The following PDK1 variants were observed in gnomAD, a reference collection of about 807,000 sequenced individuals.
PDK1 encodes pyruvate dehydrogenase kinase 1.
PDK1 carries 39 observed loss-of-function variants against 54.2 expected under a neutral mutation model. That is an observed-to-expected ratio of 0.72 (90% confidence interval 0.56 to 0.94). The LOEUF (loss-of-function observed/expected upper bound fraction) is 0.94, where lower values mean the gene tolerates loss of function less well. PDK1 is among the 40% of genes least tolerant of loss of function. The pLI is 0.00. For synonymous variants in PDK1, 221 were observed against 207.1 expected, an observed-to-expected ratio of 1.07 and a Z score of -0.58; for missense variants, 552 against 566.0, an observed-to-expected ratio of 0.98 and a Z score of 0.25.
intron 3 of PDK1, among the ~76,000 whole-genome samples, chr2:172,563,816 A>G (rs993380792): frequency 2.0e-5 from 3 of 146,478 alleles, no homozygotes; most frequent in African/African-American, 8.3e-5. Context: ...CCTGGGCAAC[A>G]AGAGCAAAAT....
In PDK1 at chr2:172,599,894, T is replaced by A. The variant is rs1574548156; in HGVS notation, c.*3925T>A. On this transcript the variant is annotated 3_prime_UTR_variant, in exon 11 of 11. Coordinates refer to ENST00000282077, the MANE Select transcript of PDK1 (RefSeq NM_002610.5). ...TTTATATTGGGAATTGTGACAGCTG[T>A]CTTTTACTTTGTTAAATTAGCAATT... 6.6e-6 allele frequency: 1 copy of A among 152,316 alleles called. No homozygotes were observed. Among genetic ancestry groups the A allele is most frequent in the East Asian group, 1.9e-4 (1 of 5,186 alleles). The allele number at this position is 152,316 out of a possible 1,614,324, so 9.4% of individuals were successfully genotyped here.
chr2:172,658,341 G>A, the PDK1 span, among the ~76,000 whole-genome samples: 37 of 152,164 alleles, frequency 2.4e-4, no homozygotes, highest in Non-Finnish European at 4.3e-4. Context: ...AATTTCTTAC[G>A]CCTGTCTTAC....
chr2:172,622,543 GTT>G, the PDK1 span, among the ~76,000 whole-genome samples: 4 of 141,376 alleles, frequency 2.8e-5, no homozygotes, highest in African/African-American at 1.0e-4. Flanking sequence ...TGTGAGATAT[GTT>G]TATATCATGT....
chr2:172,707,930 C>A, the PDK1 span, among the ~76,000 whole-genome samples: 1 of 152,156 alleles, frequency 6.6e-6, no homozygotes, highest in Non-Finnish European at 1.5e-5. Context: ...TGACAATTCT[C>A]CAACCAGTAT....
chr2:172,596,066 C>A lies in PDK1; in HGVS notation c.*97C>A. ...ATATTATACCAAGTACTTTATTTAT[C>A]GTTTTCACAAAACTATTTGAGTAGA... On this transcript the variant is annotated 3_prime_UTR_variant, in exon 11 of 11. Transcript: ENST00000282077. The A allele has an allele frequency of 9.7e-7, 1 of 1,027,698 alleles. No homozygotes were observed. Among genetic ancestry groups the A allele is most frequent in the Non-Finnish European group, 1.4e-6 (1 of 727,140 alleles). 63.7% of individuals were successfully genotyped at this position (1,027,698 alleles called of 1,614,324 possible). A position where few individuals can be genotyped will look rare whatever the true frequency, so the allele number is the denominator to read the frequency against.
chr2:172,609,314 A>C (rs1157246693), downstream of PDK1, among the ~76,000 whole-genome samples: 2 of 152,234 alleles, frequency 1.3e-5, no homozygotes, highest in African/African-American at 4.8e-5. Flanking sequence ...GGTCAGGTAC[A>C]TTTAATTAAG....
rs980036003 is a variant in PDK1 at position 172,558,935 on chromosome 2, T to G, written c.338+86T>G. ...GCAAATGCTTTTTTTTACTCTTTGG[T>G]GGAATCTTTTTTGTTTTGTTTTGTT... is the stretch of plus-strand genomic sequence containing the variant. On this transcript the variant is annotated intron_variant, in intron 2 of 10. Transcript: ENST00000282077. 1.5e-5 allele frequency: 20 copies of G among 1,318,652 alleles called. No individual in the cohort carries two copies. The African/African-American group carries it at 3.0e-4, about 20-fold the overall frequency. The allele number at this position is 1,318,652 out of a possible 1,614,324, so 81.7% of individuals were successfully genotyped here.
At chr2:172,690,663 A>G in the PDK1 span, among the ~76,000 whole-genome samples, 1 of 150,282 alleles carries the variant, frequency 6.7e-6, no homozygotes, top group African/African-American at 2.4e-5. Context: ...ATGGAATACT[A>G]CGCAGCCACG....
the PDK1 span, among the ~76,000 whole-genome samples, chr2:172,687,914 A>C: frequency 0.19 from 29,421 of 152,134 alleles, 3,489 homozygotes; most frequent in African/African-American, 0.33. Flanking sequence ...GCAGCCATAG[A>C]TTGCAGTTCA....
chr2:172,646,738 T>TTTTTTTTTTTTTTTTG, the PDK1 span, among the ~76,000 whole-genome samples: 2 of 133,674 alleles, frequency 1.5e-5, 1 homozygote, highest in Non-Finnish European at 3.3e-5. Context: ...GCATTTCCTT[T>TTTTTTTTTTTTTTTTG]TTTTTTTTTT....
chr2:172,587,898 G>A (rs985669582), intron 9 of PDK1, among the ~76,000 whole-genome samples: 1 of 151,962 alleles, frequency 6.6e-6, no homozygotes, highest in Non-Finnish European at 1.5e-5. Flanking sequence ...TTAGCTAGAC[G>A]AAGAGCGCCA....
the PDK1 span, among the ~76,000 whole-genome samples, chr2:172,645,783 T>C: frequency 2.6e-5 from 4 of 152,192 alleles, no homozygotes; most frequent in Non-Finnish European, 5.9e-5. Context: ...CTTTTATTCA[T>C]CTTTATTTCC....
chr2:172,568,681 C>T, intron 6 of PDK1, 60 bp from the exon 7 acceptor site: 3 of 1,034,810 alleles, frequency 2.9e-6, no homozygotes, highest in Non-Finnish European at 4.6e-6. Context: ...ACAGTTTATT[C>T]TTAAAAATGC....
At chr2:172,645,985 C>A in the PDK1 span, among the ~76,000 whole-genome samples, 1 of 152,220 alleles carries the variant, frequency 6.6e-6, no homozygotes, top group African/African-American at 2.4e-5. Flanking sequence ...CCAAAATACT[C>A]ATTTCTATAT....
chr2:172,615,807 G>T, the PDK1 span, among the ~76,000 whole-genome samples: 82 of 152,290 alleles, frequency 5.4e-4, 1 homozygote, highest in Middle Eastern at 6.8e-3. Flanking sequence ...TAAATTACAA[G>T]GTTAGGGAAG....
the PDK1 span, among the ~76,000 whole-genome samples, chr2:172,647,824 T>C: frequency 2.5e-3 from 6 of 2,428 alleles, no homozygotes; most frequent in East Asian, 0.18. Flanking sequence ...ATTTGTTAGT[T>C]TCTAAGGGAA....
chr2:172,638,247 A>T, the PDK1 span, among the ~76,000 whole-genome samples: 1 of 151,274 alleles, frequency 6.6e-6, no homozygotes, highest in Non-Finnish European at 1.5e-5. Context: ...ACATTTTATT[A>T]TCATGAATGA....
chr2:172,697,014 C>T, the PDK1 span, among the ~76,000 whole-genome samples: 2 of 152,064 alleles, frequency 1.3e-5, no homozygotes, highest in Non-Finnish European at 2.9e-5. Context: ...AGTAAAAGCA[C>T]TTACTTATTA....
At chr2:172,653,782 A>G in the PDK1 span, among the ~76,000 whole-genome samples, 2 of 152,228 alleles carry the variant, frequency 1.3e-5, no homozygotes, top group African/African-American at 4.8e-5. Flanking sequence ...ATGGGATCTA[A>G]TTAAACTAAA....
Sources: gnomAD v4.1 joint callset for allele counts (sites outside exome capture counted in the v4.1 genomes callset) on GRCh38, gnomAD v4.1.1 for gene constraint, MANE v1.5 for transcripts, NCBI Gene and HGNC (gene_info 2026-07-23, HGNC 2026-07-21) for gene names.